The following NXN variants were observed in gnomAD, a reference collection of about 807,000 sequenced individuals.
The protein encoded by NXN is nucleoredoxin 1.
A neutral mutation model predicts 48.6 loss-of-function variants in NXN; 16 were observed. The ratio of observed to expected loss-of-function variants is 0.33; its 90% CI spans 0.22 to 0.50. The LOEUF (loss-of-function observed/expected upper bound fraction) is 0.50. Among genes scored for constraint, NXN ranks in the 20% least tolerant of loss-of-function variants. NXN has a pLI of 0.98. For synonymous variants in NXN, 281 were observed against 269.6 expected (o/e 1.04, Z -0.41); for missense variants, 492 against 605.5 (o/e 0.81, Z 1.97).
chr17:955,788 G>A (rs2069161590), intron 1 of NXN, among the ~76,000 whole-genome samples: 1 of 152,054 alleles, frequency 6.6e-6, no homozygotes, highest in African/African-American at 2.4e-5. Flanking sequence ...TGTAGTCCCA[G>A]CAACTCGGGA....
chr17:927,429 C>T lies in NXN; in HGVS notation c.360+51890G>A, dbSNP rs559045229. 5.3e-5 allele frequency among the ~76,000 whole-genome samples: 8 copies of T among 151,910 alleles called. 1 individual carries two copies. Among genetic ancestry groups the T allele is most frequent in the East Asian group, 3.9e-4 (2 of 5,162 alleles). ...TTCCGGACCAGCCTCGGCAACAAGGCGAAACCCCGTCTCCACAGAAAATAA... is the reference window on the plus strand; with the variant it reads ...TTCCGGACCAGCCTCGGCAACAAGGTGAAACCCCGTCTCCACAGAAAATAA... On this transcript the variant is annotated intron_variant, in intron 1 of 7. Transcript: ENST00000336868.
At position 979,484 on chromosome 17, in the gene NXN, C is replaced by T. The variant is rs2069511520; in HGVS notation, c.195G>A (p.Ala65=). ...AFYGRLRGDA[A]AGPGPGAGAG... ...CCCCCGCTCCCGGCCCCGGCCCGGC[C>T]GCCGCGTCCCCCCGCAGGCGCCCGT... The change falls in exon 1 of 8, where the codon GCG becomes GCA. Residue 65 remains alanine, a synonymous_variant. Coordinates refer to ENST00000336868, the MANE Select transcript of NXN (RefSeq NM_022463.5). 2.5e-6 allele frequency: 3 copies of T among 1,195,006 alleles called. No individual in the cohort carries two copies. In the African/African-American group the frequency reaches 4.8e-5, roughly 19 times the overall value. 74.0% of individuals were successfully genotyped at this position (1,195,006 alleles called of 1,614,324 possible).
intron 7 of NXN, among the ~76,000 whole-genome samples, chr17:803,477 G>A (rs1420523833): frequency 6.6e-6 from 1 of 152,218 alleles, no homozygotes; most frequent in African/African-American, 2.4e-5. Context: ...GCCGAGCATG[G>A]ACGGGAAGAG....
chr17:972,757 T>C (rs768070827), intron 1 of NXN, among the ~76,000 whole-genome samples: 1 of 152,042 alleles, frequency 6.6e-6, no homozygotes, highest in Non-Finnish European at 1.5e-5. Context: ...CAGGGCCGGG[T>C]GCGGTGGCTC....
intron 1 of NXN, among the ~76,000 whole-genome samples, chr17:864,463 G>GC (rs1475858231): frequency 6.6e-6 from 1 of 152,222 alleles, no homozygotes; most frequent in Non-Finnish European, 1.5e-5. Context: ...AGGGCGGATT[G>GC]CATGGAAAGA....
At chr17:950,804 A>G (rs916355551) in intron 1 of NXN, among the ~76,000 whole-genome samples, 1 of 152,024 alleles carries the variant, frequency 6.6e-6, no homozygotes, top group Non-Finnish European at 1.5e-5. Context: ...AGATGTTAGC[A>G]GGGGAAAGAG....
intron 5 of NXN, among the ~76,000 whole-genome samples, chr17:817,643 A>T (rs529372672): frequency 3.6e-4 from 54 of 149,240 alleles, no homozygotes; most frequent in East Asian, 3.0e-3. Flanking sequence ...CACTCCAGCC[A>T]GGGCGACAGA....
intron 5 of NXN, among the ~76,000 whole-genome samples, chr17:811,939 T>C (rs1462942879): frequency 7.1e-6 from 1 of 141,810 alleles, no homozygotes; most frequent in East Asian, 2.1e-4. Context: ...TTTTTTTTTT[T>C]TTTTTTGAGA....
chr17:871,804 T>A (rs992139000), intron 1 of NXN, among the ~76,000 whole-genome samples: 1 of 152,170 alleles, frequency 6.6e-6, no homozygotes, highest in Non-Finnish European at 1.5e-5. Context: ...CTCTGCTGTG[T>A]TACTGATGAA....
At chr17:877,282 G>T (rs2068227085) in intron 1 of NXN, among the ~76,000 whole-genome samples, 1 of 151,782 alleles carries the variant, frequency 6.6e-6, no homozygotes, top group Non-Finnish European at 1.5e-5. Context: ...TGGTAGCTGA[G>T]ACTACTGGCG....
chr17:941,842 T>C (rs1323656118), intron 1 of NXN, among the ~76,000 whole-genome samples: 5 of 64,458 alleles, frequency 7.8e-5, no homozygotes, highest in Non-Finnish European at 1.6e-4. Flanking sequence ...GGTGCAGCCA[T>C]GAATTCACCA....
chr17:824,174 G>A (rs1912972296), intron 2 of NXN, among the ~76,000 whole-genome samples: 1 of 152,010 alleles, frequency 6.6e-6, no homozygotes, highest in Non-Finnish European at 1.5e-5. Flanking sequence ...CAAGTAGCTG[G>A]GACTACAGGT....
chr17:953,690 G>C (rs143070282), intron 1 of NXN, among the ~76,000 whole-genome samples: 1 of 152,122 alleles, frequency 6.6e-6, no homozygotes. Flanking sequence ...ACAGAGGCTC[G>C]TATCTGTCAT....
chr17:829,013 G>A (rs151247625), intron 1 of NXN, among the ~76,000 whole-genome samples: 2,163 of 152,026 alleles, frequency 0.014, 51 homozygotes, highest in African/African-American at 0.049. Flanking sequence ...AGCTCAGACC[G>A]TTTTATATTT....
chr17:843,806 G>A (rs950587761), intron 1 of NXN, among the ~76,000 whole-genome samples: 1 of 152,202 alleles, frequency 6.6e-6, no homozygotes, highest in Admixed American at 6.5e-5. Flanking sequence ...GACCTGCAGC[G>A]TCTTTGGGAG....
intron 1 of NXN, among the ~76,000 whole-genome samples, chr17:948,406 C>A (rs918409776): frequency 3.3e-5 from 5 of 152,008 alleles, no homozygotes; most frequent in African/African-American, 7.3e-5. Context: ...GAGATGTACA[C>A]GGGTTATATG....
At position 841,676 on chromosome 17, in the gene NXN, C is replaced by CCCCCG. The variant is rs1914319413; in HGVS notation, c.361-15599_361-15598insCGGGG. Among the ~76,000 whole-genome samples the CCCCCG allele has an allele frequency of 5.1e-5, 7 of 136,056 alleles. 1 individual carries two copies. Among genetic ancestry groups the CCCCCG allele is most frequent in the South Asian group, 2.3e-4 (1 of 4,266 alleles). 89.3% of individuals were successfully genotyped at this position (136,056 alleles called of 152,430 possible). ...CGCATCTCACGCCGGCGAGCAGGTC[C>CCCCCG]ACCCTGACCATGGCACATCTCACGC... On this transcript the variant is annotated intron_variant, in intron 1 of 7. Coordinates refer to ENST00000336868, the MANE Select transcript of NXN (RefSeq NM_022463.5).
At chr17:835,104 C>A (rs112921974) in intron 1 of NXN, among the ~76,000 whole-genome samples, 12 of 151,130 alleles carry the variant, frequency 7.9e-5, no homozygotes, top group East Asian at 4.0e-4. Context: ...GTCAGGAGAT[C>A]GAGACCATCC....
At chr17:857,573 T>C (rs780065190) in intron 1 of NXN, among the ~76,000 whole-genome samples, 18 of 152,198 alleles carry the variant, frequency 1.2e-4, no homozygotes, top group Admixed American at 2.0e-4. Context: ...ACACCAACTA[T>C]TCTAAAGCTG....
Sources: allele counts gnomAD v4.1 joint callset (sites outside exome capture counted in the v4.1 genomes callset), GRCh38; gene constraint gnomAD v4.1.1; transcripts MANE v1.5; gene names NCBI Gene and HGNC (gene_info 2026-07-23, HGNC 2026-07-21).